Variants in GPR176 observed in about 807,000 individuals in gnomAD.
GPR176 encodes G-protein coupled receptor 176.
GPR176 carries 26 observed loss-of-function variants against 35.4 expected under a neutral mutation model. The observed-to-expected ratio is 0.74, with a 90% CI of 0.54 to 1.02. The LOEUF (loss-of-function observed/expected upper bound fraction) is 1.02, where lower values mean the gene tolerates loss of function less well. Ranked by LOEUF, GPR176 falls within the 50% of genes least tolerant of loss-of-function variation. GPR176 has a pLI of 0.00. For missense variants in GPR176, 597 were observed against 665.3 expected (o/e 0.90, Z 1.13); for synonymous variants, 278 against 271.3 (o/e 1.02, Z -0.24).
Position 39,799,262 on chromosome 15 carries a change from C to T in GPR176, c.*1870G>A, listed in dbSNP as rs1898713559. On this transcript the variant is annotated 3_prime_UTR_variant, in exon 3 of 3. Transcript: ENST00000561100. ...ATAATTTTCCTAGAGATTATTATTCCCCTTGATAAAAGTTGTAATGATTGT... is the reference window on the plus strand; with the variant it reads ...ATAATTTTCCTAGAGATTATTATTCTCCTTGATAAAAGTTGTAATGATTGT... The T allele has an allele frequency of 6.6e-6, 1 of 152,140 alleles. No homozygotes were observed. Among genetic ancestry groups the T allele is most frequent in the South Asian group, 2.1e-4 (1 of 4,820 alleles). The allele number at this position is 152,140 out of a possible 1,614,324, so 9.4% of individuals were successfully genotyped here.
intron 1 of GPR176, among the ~76,000 whole-genome samples, chr15:39,912,151 T>A (rs370567984): frequency 6.6e-6 from 1 of 152,216 alleles, no homozygotes; most frequent in Admixed American, 6.5e-5. Context: ...GAGAGTTGAT[T>A]TTTTTAAGAT....
chr15:39,914,267 C>G (rs988303708), intron 1 of GPR176, among the ~76,000 whole-genome samples: 5 of 151,434 alleles, frequency 3.3e-5, no homozygotes, highest in African/African-American at 1.2e-4. Flanking sequence ...ATTGATCCTA[C>G]CACCTCCTGC....
At chr15:39,871,408 T>C (rs1294138017) in intron 1 of GPR176, among the ~76,000 whole-genome samples, 1 of 152,226 alleles carries the variant, frequency 6.6e-6, no homozygotes, top group African/African-American at 2.4e-5. Context: ...AACCATTCTT[T>C]GTTAATATCC....
At chr15:39,827,195 T>C (rs1193655085) in intron 1 of GPR176, among the ~76,000 whole-genome samples, 1 of 152,142 alleles carries the variant, frequency 6.6e-6, no homozygotes, top group Non-Finnish European at 1.5e-5. Flanking sequence ...AAAGGAGAAA[T>C]GTACGCACAT....
intron 1 of GPR176, among the ~76,000 whole-genome samples, chr15:39,907,647 G>T (rs1398367261): frequency 2.6e-5 from 4 of 152,166 alleles, no homozygotes; most frequent in African/African-American, 7.2e-5. Context: ...TAAACATTCA[G>T]GAAAACTGAA....
intron 1 of GPR176, among the ~76,000 whole-genome samples, chr15:39,837,604 A>C (rs1306628903): frequency 6.6e-6 from 1 of 152,126 alleles, no homozygotes; most frequent in Non-Finnish European, 1.5e-5. Flanking sequence ...TTAGCACAGT[A>C]GTGGTGATAC....
intron 2 of GPR176, among the ~76,000 whole-genome samples, chr15:39,805,072 T>C (rs1482514501): frequency 1.3e-5 from 2 of 152,212 alleles, no homozygotes; most frequent in Non-Finnish European, 2.9e-5. Flanking sequence ...ATACTTCCAA[T>C]AGGTGAATTT....
At chr15:39,826,619 T>G (rs895101456) in intron 1 of GPR176, among the ~76,000 whole-genome samples, 1 of 152,238 alleles carries the variant, frequency 6.6e-6, no homozygotes. Context: ...TTCCTCTACA[T>G]TAATGTAACC....
At chr15:39,826,511 G>A (rs898904871) in intron 1 of GPR176, among the ~76,000 whole-genome samples, 1 of 152,110 alleles carries the variant, frequency 6.6e-6, no homozygotes, top group East Asian at 1.9e-4. Flanking sequence ...GGGGGCTCCT[G>A]CATGTTGTGC....
chr15:39,908,417 T>G (rs1425445342), intron 1 of GPR176, among the ~76,000 whole-genome samples: 8 of 152,188 alleles, frequency 5.3e-5, no homozygotes, highest in Admixed American at 5.2e-4. Flanking sequence ...CTGAACTTGT[T>G]CATGCAAATG....
At chr15:39,862,193 A>T (rs1267107720) in intron 1 of GPR176, 1 of 152,218 alleles carries the variant, frequency 6.6e-6, no homozygotes. Flanking sequence ...TTTATGTTTT[A>T]TTCTGAGCAG....
chr15:39,903,594 T>A (rs988753174), intron 1 of GPR176, among the ~76,000 whole-genome samples: 12 of 151,904 alleles, frequency 7.9e-5, no homozygotes, highest in Non-Finnish European at 1.8e-4. Flanking sequence ...TTTTTTTTTT[T>A]AAGTGTGGCA....
At chr15:39,809,295 G>C (rs1207241785) in intron 1 of GPR176, among the ~76,000 whole-genome samples, 1 of 151,986 alleles carries the variant, frequency 6.6e-6, no homozygotes, top group African/African-American at 2.4e-5. Flanking sequence ...GACTCATTTG[G>C]TTCTAAGAAC....
At chr15:39,804,533 A>C (rs1384465491) in intron 2 of GPR176, among the ~76,000 whole-genome samples, 1 of 152,158 alleles carries the variant, frequency 6.6e-6, no homozygotes, top group Non-Finnish European at 1.5e-5. Context: ...AGGCCCCAGA[A>C]GTAACCCACA....
At chr15:39,905,828 GGT>G (rs1320415025) in intron 1 of GPR176, among the ~76,000 whole-genome samples, 1 of 152,150 alleles carries the variant, frequency 6.6e-6, no homozygotes, top group Non-Finnish European at 1.5e-5. Flanking sequence ...GAGGGAAATG[GGT>G]GTGGCCATAA....
At chr15:39,884,788 A>G (rs2032608390) in intron 1 of GPR176, among the ~76,000 whole-genome samples, 1 of 152,150 alleles carries the variant, frequency 6.6e-6, no homozygotes, top group African/African-American at 2.4e-5. Context: ...TCCACCCAGT[A>G]AACTTCCACT....
Position 39,802,011 on chromosome 15 carries a change from G to T in GPR176, c.669C>A (p.Leu223=). 6.2e-7 allele frequency: 1 copy of T among 1,614,102 alleles called. No homozygotes were observed. The change falls in exon 3 of 3, where the codon CTC becomes CTA. Residue 223 remains leucine, a synonymous_variant. Transcript: ENST00000561100. The part of the protein sequence containing the change: ...TVIVPVVVVF[L]FLILIRRALS... ...GGGCCCGTCGGATCAGTATCAAGAA[G>T]AGGAACACCACCACCACAGGCACAA...
At chr15:39,861,969 T>C (rs1319966222) in intron 1 of GPR176, 1 of 152,200 alleles carries the variant, frequency 6.6e-6, no homozygotes, top group Non-Finnish European at 1.5e-5. Flanking sequence ...TTCTAGGTTA[T>C]TGTGTAGGAC....
At chr15:39,891,808 C>T (rs2032884099) in intron 1 of GPR176, among the ~76,000 whole-genome samples, 1 of 152,128 alleles carries the variant, frequency 6.6e-6, no homozygotes, top group Non-Finnish European at 1.5e-5. Context: ...CACTGCACTC[C>T]AGCCTGGATG....
Sources: allele counts gnomAD v4.1 joint callset (sites outside exome capture counted in the v4.1 genomes callset), GRCh38; gene constraint gnomAD v4.1.1; transcripts MANE v1.5; gene names NCBI Gene and HGNC (gene_info 2026-07-23, HGNC 2026-07-21).